GKAP1: variants seen among roughly 807,000 people sequenced by gnomAD.
GKAP1 encodes G kinase anchoring protein 1, also known as G kinase-anchoring protein 1.
In GKAP1, 31 loss-of-function variants were observed where a neutral mutation model predicts 56.7. The ratio of observed to expected loss-of-function variants is 0.55; its 90% CI spans 0.41 to 0.74. GKAP1 has a LOEUF of 0.74. Ranked by LOEUF, GKAP1 falls within the 30% of genes least tolerant of loss-of-function variation. The probability of loss-of-function intolerance (pLI) is 0.00; values close to 1 mark genes in which losing one functional copy is unlikely to be tolerated. For missense variants in GKAP1, 364 were observed against 402.3 expected, an observed-to-expected ratio of 0.90 and a Z score of 0.82; for synonymous variants, 151 against 138.6, an observed-to-expected ratio of 1.09 and a Z score of -0.63.
At chr9:83,769,954 C>T (rs1023936839) in intron 7 of GKAP1, among the ~76,000 whole-genome samples, 2 of 152,158 alleles carry the variant, frequency 1.3e-5, no homozygotes, top group Non-Finnish European at 1.5e-5. Context: ...TCCCTGACAG[C>T]GAATGGTGCT....
At chr9:83,807,529 T>C (rs1226284344) in intron 2 of GKAP1, among the ~76,000 whole-genome samples, 1 of 152,228 alleles carries the variant, frequency 6.6e-6, no homozygotes, top group Non-Finnish European at 1.5e-5. Context: ...AAAATTAAGA[T>C]GAACACTCCA....
intron 4 of GKAP1, among the ~76,000 whole-genome samples, chr9:83,798,053 G>T (rs1190243111): frequency 2.6e-5 from 4 of 152,170 alleles, no homozygotes; most frequent in Non-Finnish European, 5.9e-5. Flanking sequence ...TGGCTCTATA[G>T]TAATAATTAA....
intron 2 of GKAP1, among the ~76,000 whole-genome samples, chr9:83,816,752 G>A (rs1229628468): frequency 6.6e-6 from 1 of 152,150 alleles, no homozygotes; most frequent in Non-Finnish European, 1.5e-5. Flanking sequence ...GAAAGCACTT[G>A]CATCTACTCT....
At chr9:83,805,668 T>C (rs557095828) in intron 3 of GKAP1, among the ~76,000 whole-genome samples, 4 of 152,314 alleles carry the variant, frequency 2.6e-5, no homozygotes, top group Admixed American at 6.5e-5. Context: ...TATATATTCA[T>C]ATAAATTTAT....
chr9:83,795,079 C>T (rs1944222006), intron 4 of GKAP1, among the ~76,000 whole-genome samples: 2 of 150,332 alleles, frequency 1.3e-5, no homozygotes, highest in South Asian at 2.1e-4. Context: ...TCGCTTGAAT[C>T]CGGGAGGCGG....
Position 83,806,554 on chromosome 9 carries a change from A to G in GKAP1, c.-37T>C. On this transcript the variant is annotated 5_prime_UTR_variant, in exon 3 of 13. Transcript: ENST00000376371. ...TTCTTTTAAAATACTTCTGTCAAGA[A>G]TAATTTCTGTGGGGAGGCAGAAGAG... The G allele has an allele frequency of 1.3e-6, 2 of 1,579,458 alleles. No homozygotes were observed. Among genetic ancestry groups the G allele is most frequent in the Non-Finnish European group, 1.7e-6 (2 of 1,154,618 alleles).
rs144817124 is a variant in GKAP1 at position 83,752,014 on chromosome 9, C to T, written c.840+1244G>A. ...GAAAGCAAGGACTCAGATACTTATGCACCAGTAAACAAAATATATACACAC... is the reference window on the plus strand; with the variant it reads ...GAAAGCAAGGACTCAGATACTTATGTACCAGTAAACAAAATATATACACAC... On this transcript the variant is annotated intron_variant, in intron 9 of 12. Transcript: ENST00000376371. 3.6e-3 allele frequency among the ~76,000 whole-genome samples: 555 copies of T among 152,260 alleles called. 9 individuals are homozygous for T. The highest frequency in any genetic ancestry group is 0.013 in the African/African-American group (521 of 41,538).
At chr9:83,753,401 G>T (rs768455270) in intron 8 of GKAP1, 42 bp from the exon 9 acceptor site, 1 of 1,239,146 alleles carries the variant, frequency 8.1e-7, no homozygotes, top group African/African-American at 1.5e-5. Flanking sequence ...TGATTATTCC[G>T]CTAATTCTGG....
intron 6 of GKAP1, among the ~76,000 whole-genome samples, chr9:83,781,038 GA>G (rs1359357134): frequency 1.3e-5 from 2 of 152,150 alleles, no homozygotes; most frequent in Admixed American, 1.3e-4. Flanking sequence ...GAATTATCAA[GA>G]GCAGAATGAG....
intron 3 of GKAP1, among the ~76,000 whole-genome samples, chr9:83,803,090 C>G (rs1944358643): frequency 6.6e-6 from 1 of 152,054 alleles, no homozygotes; most frequent in African/African-American, 2.4e-5. Context: ...ATCTGGGTAA[C>G]AAGAGTGAGA....
Position 83,739,725 on chromosome 9 carries a change from CT to C in GKAP1, c.1072del (p.Arg358GlufsTer15). ...CCTACACTGGTCGGATTCAGAGTTT[CT>C]TTTCCCTTTTCTGCCACCCTGTAAA... ...AKYQGGRKGK[R>X]NSESDQCR is the part of the protein sequence containing the mutation. On this transcript the variant is annotated frameshift_variant, in exon 13 of 13. Transcript: ENST00000376371. LOFTEE classifies it high-confidence loss of function. 1 of 1,603,436 alleles carries C rather than the reference CT, an allele frequency of 6.2e-7. No individual in the cohort carries two copies.
intron 3 of GKAP1, among the ~76,000 whole-genome samples, chr9:83,800,351 T>C (rs1301395871): frequency 2.0e-5 from 3 of 150,688 alleles, no homozygotes; most frequent in African/African-American, 7.3e-5. Context: ...TGTTTTTTTT[T>C]TTTTTGGCAG....
intron 7 of GKAP1, among the ~76,000 whole-genome samples, chr9:83,773,318 C>A (rs905620946): frequency 2.6e-5 from 4 of 152,090 alleles, no homozygotes; most frequent in African/African-American, 9.7e-5. Flanking sequence ...CAAGAAACTG[C>A]AAATCTCTAG....
At chr9:83,781,587 G>A (rs1372100381) in intron 6 of GKAP1, among the ~76,000 whole-genome samples, 1 of 152,024 alleles carries the variant, frequency 6.6e-6, no homozygotes, top group Admixed American at 6.5e-5. Context: ...ACCAACTTTA[G>A]ATCAAACTAC....
At chr9:83,752,914 T>C (rs1231424612) in intron 9 of GKAP1, among the ~76,000 whole-genome samples, 1 of 151,742 alleles carries the variant, frequency 6.6e-6, no homozygotes, top group Admixed American at 6.6e-5. Flanking sequence ...CTACTAAAAA[T>C]ACAAAAATTA....
At chr9:83,767,813 C>T (rs149738063) in intron 8 of GKAP1, among the ~76,000 whole-genome samples, 26 of 152,202 alleles carry the variant, frequency 1.7e-4, no homozygotes, top group South Asian at 4.1e-4. Flanking sequence ...CAGCCTACCA[C>T]GTAGCTGAGA....
At chr9:83,801,310 C>T (rs1944327765) in intron 3 of GKAP1, among the ~76,000 whole-genome samples, 1 of 151,972 alleles carries the variant, frequency 6.6e-6, no homozygotes, top group Non-Finnish European at 1.5e-5. Context: ...GAAGGAATGG[C>T]CCTTTTGATC....
intron 2 of GKAP1, among the ~76,000 whole-genome samples, chr9:83,814,041 G>C (rs1317953382): frequency 6.6e-6 from 1 of 152,040 alleles, no homozygotes; most frequent in Non-Finnish European, 1.5e-5. Flanking sequence ...CGAGGCTGTA[G>C]TGAGCAGTGA....
chr9:83,804,942 C>T (rs1944412958), intron 3 of GKAP1, among the ~76,000 whole-genome samples: 1 of 151,984 alleles, frequency 6.6e-6, no homozygotes, highest in African/African-American at 2.4e-5. Flanking sequence ...GCCCCTCTGC[C>T]CGGCCACCAC....
Sources: gnomAD v4.1 joint callset for allele counts (sites outside exome capture counted in the v4.1 genomes callset) on GRCh38, gnomAD v4.1.1 for gene constraint, MANE v1.5 for transcripts, NCBI Gene and HGNC (gene_info 2026-07-23, HGNC 2026-07-21) for gene names.